SLC5A11: variants seen among roughly 807,000 people sequenced by gnomAD.
SLC5A11 encodes the protein solute carrier family 5 member 11, also known as sodium/myo-inositol cotransporter 2.
Under a neutral mutation model 69.8 loss-of-function variants are expected in SLC5A11, and 48 were observed. The ratio of observed to expected loss-of-function variants is 0.69; its 90% confidence interval spans 0.55 to 0.87. The LOEUF (loss-of-function observed/expected upper bound fraction) is 0.87, where lower values mean the gene tolerates loss of function less well. Among genes scored for constraint, SLC5A11 ranks in the 40% least tolerant of loss-of-function variants. SLC5A11 has a pLI of 0.00. For missense variants in SLC5A11, 784 were observed against 866.1 expected (o/e 0.91, Z 1.19); for synonymous variants, 319 against 342.4 (o/e 0.93, Z 0.75).
intron 8 of SLC5A11, among the ~76,000 whole-genome samples, chr16:24,885,974 G>C (rs1469924251): frequency 6.6e-6 from 1 of 150,590 alleles, no homozygotes; most frequent in African/African-American, 2.4e-5. Context: ...CCCACAGGTG[G>C]ATGTAAAGAG....
At chr16:24,861,647 A>G (rs574246490) in intron 2 of SLC5A11, among the ~76,000 whole-genome samples, 3 of 144,260 alleles carry the variant, frequency 2.1e-5, no homozygotes, top group African/African-American at 7.8e-5. Flanking sequence ...GGAAGGGACA[A>G]GAAGAAGAAA....
At chr16:24,902,266 G>A (rs1460235469) in intron 10 of SLC5A11, among the ~76,000 whole-genome samples, 2 of 152,010 alleles carry the variant, frequency 1.3e-5, no homozygotes, top group East Asian at 3.9e-4. Flanking sequence ...CCCATGCAAT[G>A]GTTTGAAAGT....
intron 7 of SLC5A11, among the ~76,000 whole-genome samples, chr16:24,878,570 T>C (rs901773820): frequency 2.0e-5 from 3 of 152,212 alleles, no homozygotes; most frequent in Admixed American, 6.5e-5. Flanking sequence ...TTATGTACCT[T>C]GTATCTATAT....
chr16:24,908,950 G>A lies in SLC5A11; in HGVS notation c.1504G>A (p.Val502Met), dbSNP rs373043652. ...TAGGCTGGTCCTGGACTTTATTTAC[G>A]TGCAGCCTCGATGCGACCAGCCAGA... Residue 502 changes from valine to methionine, a missense_variant, in exon 14 of 16, where the codon GTG (valine) becomes ATG (methionine). Coordinates refer to ENST00000347898, the Ensembl canonical transcript of SLC5A11. 3.5e-5 allele frequency: 56 copies of A among 1,613,864 alleles called. No individual in the cohort carries two copies. Among genetic ancestry groups the A allele is most frequent in the Non-Finnish European group, 4.3e-5 (51 of 1,180,010 alleles).
In SLC5A11 at chr16:24,853,664, G is replaced by A. The variant is rs569699121; in HGVS notation, c.-24-4956G>A. On this transcript the variant is annotated intron_variant, in intron 1 of 15. Coordinates refer to ENST00000347898, the Ensembl canonical transcript of SLC5A11. ...AAACCTGGGTTGGGATCCCACCCGC[G>A]GCACTGACTGCGGCCTAGAAGCAAG... 2.5e-3 allele frequency among the ~76,000 whole-genome samples: 379 copies of A among 152,302 alleles called. 1 individual carries two copies. The highest frequency in any genetic ancestry group is 7.6e-3 in the African/African-American group (314 of 41,562).
At chr16:24,862,917 TTTATATAAATATATA>T (rs2046669788) in intron 3 of SLC5A11, among the ~76,000 whole-genome samples, 1 of 142,350 alleles carries the variant, frequency 7.0e-6, no homozygotes, top group East Asian at 2.0e-4. Context: ...TATAAATATA[TTTATATAAATATATA>T]TTATATAAAA....
exon 8 of SLC5A11, chr16:24,884,058 G>C (rs1050341490): frequency 2.5e-6 from 4 of 1,609,858 alleles, no homozygotes; most frequent in Non-Finnish European, 3.4e-6. Flanking sequence ...CAGGTGGCCT[G>C]GCTGCTGTGA....
chr16:24,862,752 C>A, intron 3 of SLC5A11, 80 bp downstream of exon 4: 1 of 1,297,200 alleles, frequency 7.7e-7, no homozygotes, highest in Admixed American at 1.8e-5. Context: ...TTTGATATCT[C>A]AGGACTCTCT....
At chr16:24,884,255 T>C in intron 8 of SLC5A11, 124 bp downstream of exon 9, 1 of 863,124 alleles carries the variant, frequency 1.2e-6, no homozygotes, top group Non-Finnish European at 1.8e-6. Flanking sequence ...GAATTTTTTG[T>C]CACAGGTGCT....
chr16:24,856,597 C>CAA (rs35867622), intron 1 of SLC5A11, among the ~76,000 whole-genome samples: 34 of 88,822 alleles, frequency 3.8e-4, no homozygotes, highest in Non-Finnish European at 5.9e-4. Flanking sequence ...ACTAAAAATA[C>CAA]AAAAAAAAAA....
chr16:24,856,736 A>G (rs2059553300), intron 1 of SLC5A11, among the ~76,000 whole-genome samples: 1 of 150,710 alleles, frequency 6.6e-6, no homozygotes, highest in Non-Finnish European at 1.5e-5. Context: ...AGGCCACTGC[A>G]CTCCAGCCTG....
At chr16:24,892,910 A>C (rs1052226748) in intron 9 of SLC5A11, among the ~76,000 whole-genome samples, 2 of 152,128 alleles carry the variant, frequency 1.3e-5, no homozygotes, top group East Asian at 3.8e-4. Flanking sequence ...TCTCCTCCTT[A>C]GCACATCTCA....
At chr16:24,862,526 C>G in intron 2 of SLC5A11, 75 bp from the exon 4 acceptor site, 1 of 1,255,020 alleles carries the variant, frequency 8.0e-7, no homozygotes, top group Non-Finnish European at 1.2e-6. Flanking sequence ...GCAATCCCTG[C>G]CTGGCCTAGG....
chr16:24,861,715 A>C (rs2046563087), intron 2 of SLC5A11, among the ~76,000 whole-genome samples: 1 of 145,480 alleles, frequency 6.9e-6, no homozygotes, highest in African/African-American at 2.6e-5. Context: ...AAGGAAGGGA[A>C]GGGGCAGGCA....
intron 10 of SLC5A11, among the ~76,000 whole-genome samples, chr16:24,905,628 A>ACGCGCG (rs148096402): frequency 0.022 from 2,804 of 128,172 alleles, 44 homozygotes; most frequent in Admixed American, 0.033. Context: ...TCTCAAAAAC[A>ACGCGCG]CGCGCGCGCG....
At chr16:24,905,638 G>GCACA (rs1392232947) in intron 10 of SLC5A11, among the ~76,000 whole-genome samples, 23 of 70,228 alleles carry the variant, frequency 3.3e-4, no homozygotes, top group Non-Finnish European at 6.6e-4. Context: ...ACGCGCGCGC[G>GCACA]CGCACACACA....
chr16:24,878,861 G>A (rs368059287), intron 7 of SLC5A11, among the ~76,000 whole-genome samples: 8 of 151,976 alleles, frequency 5.3e-5, no homozygotes, highest in Admixed American at 6.6e-5. Flanking sequence ...GGCAAAACCC[G>A]GTCTCTACTA....
chr16:24,879,367 T>C (rs969609250), intron 7 of SLC5A11, among the ~76,000 whole-genome samples: 2 of 152,128 alleles, frequency 1.3e-5, no homozygotes, highest in Non-Finnish European at 2.9e-5. Context: ...CCCCTCCCTC[T>C]CCCTCCTCTA....
chr16:24,900,351 G>A (rs1009666030), intron 10 of SLC5A11, among the ~76,000 whole-genome samples: 2 of 152,200 alleles, frequency 1.3e-5, no homozygotes, highest in African/African-American at 4.8e-5. Flanking sequence ...TGGCTCAGAA[G>A]CTTAGTCAAA....
Sources: gnomAD v4.1 joint callset for allele counts (sites outside exome capture counted in the v4.1 genomes callset) on GRCh38, gnomAD v4.1.1 for gene constraint, MANE v1.5 for transcripts, NCBI Gene and HGNC (gene_info 2026-07-23, HGNC 2026-07-21) for gene names.